Variants in ERI2 observed in about 807,000 individuals in gnomAD.
The protein encoded by ERI2 is ERI1 exoribonuclease 2.
ERI2 carries 35 observed loss-of-function variants against 46.8 expected under a neutral mutation model. The ratio of observed to expected loss-of-function variants is 0.75; its 90% CI spans 0.57 to 0.99. ERI2 has a LOEUF of 0.99. Ranked by LOEUF, ERI2 falls within the 50% of genes least tolerant of loss-of-function variation. The pLI is 0.00. For missense variants in ERI2, 695 were observed against 796.2 expected (o/e 0.87, Z 1.53); for synonymous variants, 224 against 271.0 (o/e 0.83, Z 1.70).
downstream of ERI2, chr16:20,792,306 G>T (rs1276000321): frequency 1.9e-6 from 3 of 1,614,072 alleles, no homozygotes; most frequent in Non-Finnish European, 2.5e-6. Context: ...GTCAGCTGTT[G>T]TCAGCAGCCC....
At chr16:20,791,383 TTATC>T (rs1157456927), downstream of ERI2, among the ~76,000 whole-genome samples, 20 of 152,328 alleles carry the variant, frequency 1.3e-4, no homozygotes, top group African/African-American at 4.8e-4. Context: ...CCTACCAGCA[TTATC>T]TATTAATCAA....
intron 10 of ERI2, chr16:20,781,180 T>C (rs372109773): frequency 6.9e-6 from 11 of 1,597,144 alleles, no homozygotes; most frequent in Non-Finnish European, 9.4e-6. Context: ...TTAAGCAGTA[T>C]GGCTGACAGA....
intron 3 of ERI2, 135 bp from the exon 4 acceptor site, chr16:20,803,058 C>A: frequency 1.1e-6 from 1 of 889,150 alleles, no homozygotes; most frequent in Non-Finnish European, 1.6e-6. Flanking sequence ...ATGACCAAAG[C>A]AGTGTGACAT....
chr16:20,791,016 T>C, intron 8 of ERI2: 1 of 1,428,168 alleles, frequency 7.0e-7, no homozygotes, highest in Non-Finnish European at 9.7e-7. Context: ...ATCCAGTTAG[T>C]GCTCTTTCTT....
downstream of ERI2, chr16:20,792,008 C>T (rs1255703693): frequency 1.2e-6 from 2 of 1,613,880 alleles, no homozygotes; most frequent in East Asian, 4.5e-5. Context: ...GCAGGATAAT[C>T]CTTCAAAAAC....
In ERI2 at chr16:20,798,910, G is replaced by T; in HGVS notation, c.890C>A (p.Ser297Ter). 10 of 1,550,942 alleles carry T rather than the reference G, an allele frequency of 6.4e-6. No homozygotes were observed. The highest frequency in any genetic ancestry group is 8.7e-6 in the Non-Finnish European group (10 of 1,146,782). The change falls in exon 9 of 9, where the codon TCA becomes TAA. Residue 297 changes from serine (S) to a stop codon, truncating the protein, a stop_gained. Coordinates refer to ENST00000357967, the MANE Select transcript of ERI2 (RefSeq NM_001142725.2). LOFTEE classifies it low-confidence loss of function (END_TRUNC). ...INPHEKVQMK[S>*]ICANSPIKAQ... is the part of the protein sequence containing the mutation. ...CTTTATAGGAGAATTTGCACAAATTGACTTCATTTGAACTTTTTCATGAGG... is the reference window on the plus strand; with the variant it reads ...CTTTATAGGAGAATTTGCACAAATTTACTTCATTTGAACTTTTTCATGAGG...
rs1027410688 is a variant in ERI2, at chr16:20,796,553, T to C, written c.*1171A>G. On this transcript the variant is annotated 3_prime_UTR_variant, in exon 9 of 9. Transcript: ENST00000357967. Reference sequence around the variant, plus strand: ...GTGGACAATTTCAAGTGTTTATTTTTACATTTTAATGAATATTTTCTTCAC... The same window carrying C: ...GTGGACAATTTCAAGTGTTTATTTTCACATTTTAATGAATATTTTCTTCAC... 60 of 1,591,986 alleles carry C rather than the reference T, an allele frequency of 3.8e-5. No homozygotes were observed. The highest frequency in any genetic ancestry group is 3.5e-4 in the Admixed American group (19 of 54,222).
At chr16:20,789,561 A>T in intron 9 of ERI2, 1 of 1,606,388 alleles carries the variant, frequency 6.2e-7, no homozygotes. Flanking sequence ...TCCACAGCTA[A>T]ACAAAGTTTG....
intron 6 of ERI2, 85 bp from the exon 7 acceptor site, chr16:20,800,123 A>C: frequency 2.0e-6 from 2 of 981,308 alleles, no homozygotes; most frequent in Non-Finnish European, 3.1e-6. Flanking sequence ...TTTTAGTTCT[A>C]TTAGATTTAG....
chr16:20,803,407 T>C (rs748381865), intron 3 of ERI2, 26 bp downstream of exon 3: 5 of 1,607,072 alleles, frequency 3.1e-6, no homozygotes, highest in Non-Finnish European at 4.3e-6. Context: ...TAGTGCCAGC[T>C]TTGGCCATTC....
chr16:20,794,947 C>T (rs991275156), downstream of ERI2, among the ~76,000 whole-genome samples: 3 of 152,190 alleles, frequency 2.0e-5, no homozygotes, highest in Non-Finnish European at 4.4e-5. Context: ...TTGTAGAAAT[C>T]GTCAATATGT....
At chr16:20,802,612 T>C (rs2080808383) in intron 4 of ERI2, among the ~76,000 whole-genome samples, 184 bp downstream of exon 4, 2 of 151,088 alleles carry the variant, frequency 1.3e-5, no homozygotes, top group African/African-American at 4.9e-5. Flanking sequence ...GGGTTCTCAC[T>C]ATGTTGTCTA....
rs2080746802 is a variant in ERI2, at chr16:20,797,712, C to T, written c.*12G>A. On this transcript the variant is annotated 3_prime_UTR_variant, in exon 9 of 9. Coordinates refer to ENST00000357967, the MANE Select transcript of ERI2 (RefSeq NM_001142725.2). ...ATTCAAGGAACAATTAGGATTCATA[C>T]ATGAAAGGTTATCAATTCCTCATTG... 3 of 1,529,538 alleles carry T rather than the reference C, an allele frequency of 2.0e-6. No individual in the cohort carries two copies. The highest frequency in any genetic ancestry group is 2.5e-5 in the South Asian group (2 of 79,604). 94.7% of individuals were successfully genotyped at this position (1,529,538 alleles called of 1,614,324 possible). A position where few individuals can be genotyped will look rare whatever the true frequency, so the allele number is the denominator to read the frequency against.
rs2080582919 is a variant in ERI2, at chr16:20,790,909, C to T, written c.756G>A (p.Trp252Ter). 1.2e-6 allele frequency: 2 copies of T among 1,614,000 alleles called. No individual in the cohort carries two copies. Among genetic ancestry groups the T allele is most frequent in the African/African-American group, 2.7e-5 (2 of 75,030 alleles). Residue 252 changes from tryptophan to a stop codon, truncating the protein, a stop_gained, in exon 9 of 11, where the codon TGG becomes TGA. Coordinates refer to the ERI2 transcript ENST00000300005. LOFTEE classifies it high-confidence loss of function. This position sits in a 1 kb window ranked among gnomAD's most constrained non-coding sequence, Gnocchi z 4.0. Reference sequence around the variant, plus strand: ...CTGAGGCCAGATCACTGTTCCAGGTCCACGAAGGCAAGAGGAAGGGACCCT... The same window carrying T: ...CTGAGGCCAGATCACTGTTCCAGGTTCACGAAGGCAAGAGGAAGGGACCCT...
intron 10 of ERI2, among the ~76,000 whole-genome samples, chr16:20,782,352 G>T (rs970849395): frequency 6.6e-6 from 1 of 152,078 alleles, no homozygotes; most frequent in Non-Finnish European, 1.5e-5. Flanking sequence ...CACCCAAGCA[G>T]TATACACTGT....
intron 10 of ERI2, chr16:20,781,017 T>G (rs1292258180): frequency 6.2e-7 from 1 of 1,614,204 alleles, no homozygotes; most frequent in Admixed American, 1.7e-5. Context: ...GTGGAATACC[T>G]CAGATACGGG....
At chr16:20,804,250 T>C (rs1424441124) in intron 1 of ERI2, among the ~76,000 whole-genome samples, 1 of 152,196 alleles carries the variant, frequency 6.6e-6, no homozygotes, top group Non-Finnish European at 1.5e-5. Context: ...AAAAATGCAC[T>C]GAAAATCTTA....
Position 20,796,466 on chromosome 16 carries a change from GCACCTTA to G in ERI2, c.*1251_*1257del. The G allele has an allele frequency of 6.2e-7, 1 of 1,613,422 alleles. No individual in the cohort carries two copies. The highest frequency in any genetic ancestry group is 8.5e-7 in the Non-Finnish European group (1 of 1,179,860). On this transcript the variant is annotated 3_prime_UTR_variant, in exon 9 of 9. Transcript: ENST00000357967. ...TCAGGAGCATGTTAAAAAAACTACA[GCACCTTA>G]CAAATATCCCAGAAAGGTAGGCATC... is the stretch of plus-strand genomic sequence containing the variant.
At chr16:20,784,888 A>G in intron 10 of ERI2, 2 of 1,409,618 alleles carry the variant, frequency 1.4e-6, no homozygotes, top group Non-Finnish European at 1.9e-6. Context: ...AAAAGCGACT[A>G]AAACATTTTA....
Sources: gnomAD v4.1 joint callset for allele counts (sites outside exome capture counted in the v4.1 genomes callset) on GRCh38, gnomAD v4.1.1 for gene constraint, Gnocchi (gnomAD v3.1) non-coding constraint, MANE v1.5 for transcripts, NCBI Gene and HGNC (gene_info 2026-07-23, HGNC 2026-07-21) for gene names.